The following TAF4 variants were observed in gnomAD, a reference collection of about 807,000 sequenced individuals.
TAF4 encodes transcription initiation factor TFIID subunit 4.
Under a neutral mutation model 90.3 loss-of-function variants are expected in TAF4, and 9 were observed. The ratio of observed to expected loss-of-function variants is 0.10; its 90% CI spans 0.06 to 0.17. TAF4 has a LOEUF of 0.17. TAF4 is among the 10% of genes least tolerant of loss of function. The pLI, the probability that TAF4 is intolerant of heterozygous loss-of-function variation, is 1.00. For synonymous variants in TAF4, 818 were observed against 638.9 expected (o/e 1.28, Z -4.23); for missense variants, 1,351 against 1,370.7 (o/e 0.99, Z 0.23).
intron 1 of TAF4, among the ~76,000 whole-genome samples, chr20:62,057,375 CCTT>C (rs561330339): frequency 3.9e-5 from 6 of 152,242 alleles, no homozygotes; most frequent in Non-Finnish European, 8.8e-5. Flanking sequence ...GAGCCACAGA[CCTT>C]CTTACTGCAG....
intron 1 of TAF4, among the ~76,000 whole-genome samples, chr20:62,028,552 C>T (rs545252815): frequency 6.6e-5 from 10 of 152,242 alleles, no homozygotes; most frequent in Admixed American, 1.3e-4. Flanking sequence ...GAGAACACTG[C>T]GGGGCGACTG....
At chr20:62,040,423 TCA>T (rs947524879) in intron 1 of TAF4, among the ~76,000 whole-genome samples, 40 of 152,194 alleles carry the variant, frequency 2.6e-4, no homozygotes, top group Non-Finnish European at 3.1e-4. Context: ...AGAGGCAAAA[TCA>T]CAGTGACAGC....
chr20:62,022,617 A>G (rs1329751651), intron 1 of TAF4, among the ~76,000 whole-genome samples: 12 of 152,124 alleles, frequency 7.9e-5, no homozygotes, highest in Non-Finnish European at 4.4e-5. Flanking sequence ...CGCTCCTTAC[A>G]CAGGCTGGCT....
chr20:62,039,096 T>A (rs1293094920), intron 1 of TAF4, among the ~76,000 whole-genome samples: 2 of 152,182 alleles, frequency 1.3e-5, no homozygotes, highest in Non-Finnish European at 2.9e-5. Context: ...AAGAGGCTTT[T>A]TTTGTAGAAG....
In TAF4 at chr20:62,065,731, C is replaced by A; in HGVS notation, c.80G>T (p.Gly27Val). ...VDEKVVSDLV[G>V]SLESQLAASA... is the part of the protein sequence containing the mutation. ...GGCCGCCAGCTGCGACTCCAGCGAG[C>A]CCACCAGGTCGCTCACCACTTTCTC... The change falls in exon 1 of 15, where the codon GGC (glycine) becomes GTC (valine). Residue 27 changes from glycine to valine, a missense_variant. Gly to Val is a moderately radical substitution (Grantham distance 109, BLOSUM62 -3). Transcript: ENST00000252996. The A allele has an allele frequency of 7.5e-7, 1 of 1,327,430 alleles. No homozygotes were observed. Among genetic ancestry groups the A allele is most frequent in the South Asian group, 1.4e-5 (1 of 73,984 alleles). 82.2% of individuals were successfully genotyped at this position (1,327,430 alleles called of 1,614,324 possible). A position where few individuals can be genotyped will look rare whatever the true frequency, so the allele number is the denominator to read the frequency against.
chr20:62,059,969 G>T (rs571215592), intron 1 of TAF4, among the ~76,000 whole-genome samples: 2 of 152,342 alleles, frequency 1.3e-5, no homozygotes, highest in African/African-American at 4.8e-5. Flanking sequence ...CAGTAGAAAA[G>T]GCTTTGGAGG....
At chr20:62,039,785 T>C (rs2055953580) in intron 1 of TAF4, among the ~76,000 whole-genome samples, 2 of 152,180 alleles carry the variant, frequency 1.3e-5, no homozygotes, top group Non-Finnish European at 2.9e-5. Context: ...TTTAAACTCT[T>C]ACTAAATCAA....
At chr20:62,037,445 A>C (rs141884411) in intron 1 of TAF4, 2 of 152,472 alleles carry the variant, frequency 1.3e-5, no homozygotes, top group Admixed American at 6.5e-5. Flanking sequence ...CCATGCCACA[A>C]GTTTTTGTTT....
At chr20:61,996,326 T>C (rs965254452) in intron 14 of TAF4, among the ~76,000 whole-genome samples, 3 of 151,416 alleles carry the variant, frequency 2.0e-5, no homozygotes, top group Non-Finnish European at 4.4e-5. Flanking sequence ...GAGGCTACAG[T>C]GAGCCATGAT....
chr20:62,020,047 C>T (rs1600847134), intron 1 of TAF4, among the ~76,000 whole-genome samples: 1 of 152,210 alleles, frequency 6.6e-6, no homozygotes, highest in Admixed American at 6.5e-5. Context: ...TGGCTTGGCT[C>T]TGTCTGTGGC....
At chr20:62,064,314 G>T in intron 1 of TAF4, 137 bp downstream of exon 1, 2 of 1,057,432 alleles carry the variant, frequency 1.9e-6, no homozygotes, top group Non-Finnish European at 2.4e-6. Flanking sequence ...CCTGGGTAGA[G>T]ACTGCCCCTC....
At chr20:62,047,845 GAC>G (rs568062203) in intron 1 of TAF4, among the ~76,000 whole-genome samples, 5 of 152,204 alleles carry the variant, frequency 3.3e-5, no homozygotes, top group Non-Finnish European at 7.3e-5. Context: ...TACCAAAAAG[GAC>G]ACAGCCATGG....
At chr20:61,992,058 AACTTG>A (rs1240279282) in intron 14 of TAF4, among the ~76,000 whole-genome samples, 9 of 152,340 alleles carry the variant, frequency 5.9e-5, no homozygotes, top group African/African-American at 1.9e-4. Flanking sequence ...AGCAGGTGGG[AACTTG>A]GGAGTGGCTG....
intron 1 of TAF4, among the ~76,000 whole-genome samples, chr20:62,023,571 A>C (rs904164678): frequency 2.0e-5 from 3 of 151,924 alleles, no homozygotes; most frequent in African/African-American, 7.3e-5. Context: ...AACATGGTGA[A>C]ACCCTGTCTC....
At chr20:62,012,650 TG>T in intron 3 of TAF4, 164 bp downstream of exon 3, 1 of 924,964 alleles carries the variant, frequency 1.1e-6, no homozygotes, top group Non-Finnish European at 1.5e-6. Context: ...CCCATGTTGG[TG>T]GTCAAAGAAA....
At chr20:62,022,640 G>A (rs140547338) in intron 1 of TAF4, among the ~76,000 whole-genome samples, 6 of 152,254 alleles carry the variant, frequency 3.9e-5, no homozygotes, top group Admixed American at 2.0e-4. Context: ...CTCTCTAAGC[G>A]GGTGCTGTGC....
chr20:62,035,797 C>G (rs1015599113), intron 1 of TAF4, among the ~76,000 whole-genome samples: 1 of 152,052 alleles, frequency 6.6e-6, no homozygotes, highest in African/African-American at 2.4e-5. Flanking sequence ...AGATACTGGC[C>G]ATATACAGAT....
chr20:62,005,446 A>T (rs2055738471), intron 7 of TAF4: 1 of 152,294 alleles, frequency 6.6e-6, no homozygotes, highest in Admixed American at 6.5e-5. Flanking sequence ...AGAGGTCAAA[A>T]CTTGGCAAGA....
At chr20:62,062,704 T>C (rs2056096110) in intron 1 of TAF4, among the ~76,000 whole-genome samples, 1 of 152,062 alleles carries the variant, frequency 6.6e-6, no homozygotes, top group Non-Finnish European at 1.5e-5. Context: ...TGGAAGTGAG[T>C]CCCAGGATCA....
Sources: allele counts gnomAD v4.1 joint callset (sites outside exome capture counted in the v4.1 genomes callset), GRCh38; gene constraint gnomAD v4.1.1; transcripts MANE v1.5; gene names NCBI Gene and HGNC (gene_info 2026-07-23, HGNC 2026-07-21).